Variants in LINGO2 observed in about 807,000 individuals in gnomAD.
LINGO2 encodes leucine rich repeat and Ig domain containing 2.
In LINGO2, 14 loss-of-function variants were observed where a neutral mutation model predicts 30.6. That is an observed-to-expected ratio of 0.46 (90% CI 0.30 to 0.72). The LOEUF (loss-of-function observed/expected upper bound fraction) is 0.72. LINGO2 is among the 30% of genes least tolerant of loss of function. LINGO2 has a pLI of 0.07. For missense variants in LINGO2, 729 were observed against 751.7 expected, an observed-to-expected ratio of 0.97 and a Z score of 0.35; for synonymous variants, 317 against 288.5, an observed-to-expected ratio of 1.10 and a Z score of -1.00.
chr9:28,990,770 C>A, the LINGO2 span, among the ~76,000 whole-genome samples: 1 of 152,082 alleles, frequency 6.6e-6, no homozygotes, highest in African/African-American at 2.4e-5. Flanking sequence ...CCTTAGCAAA[C>A]TCCAACAGAC....
chr9:29,085,475 T>C, the LINGO2 span, among the ~76,000 whole-genome samples: 2 of 151,904 alleles, frequency 1.3e-5, no homozygotes. Context: ...TATGAAATAG[T>C]TATCACCTTC....
At chr9:28,586,068 T>C (rs138447381) in intron 1 of LINGO2, among the ~76,000 whole-genome samples, 83 of 152,084 alleles carry the variant, frequency 5.5e-4, no homozygotes, top group Middle Eastern at 3.4e-3. Flanking sequence ...TGTGTTAAAC[T>C]ACAGCAGTAG....
the LINGO2 span, among the ~76,000 whole-genome samples, chr9:28,786,635 T>G: frequency 1.3e-5 from 2 of 152,148 alleles, no homozygotes; most frequent in Admixed American, 1.3e-4. Context: ...TCCTCCCTTT[T>G]TTATAGTCTC....
intron 4 of LINGO2, among the ~76,000 whole-genome samples, chr9:28,264,193 C>G (rs1277676199): frequency 6.6e-6 from 1 of 151,828 alleles, no homozygotes. Flanking sequence ...TTTTGAACAG[C>G]ACAGCTTTTC....
intron 1 of LINGO2, among the ~76,000 whole-genome samples, chr9:28,638,350 G>A (rs920277101): frequency 1.3e-5 from 2 of 152,132 alleles, no homozygotes; most frequent in African/African-American, 4.8e-5. Flanking sequence ...AGTTAGGGAG[G>A]TTTCCCTATT....
chr9:29,054,916 A>C, the LINGO2 span, among the ~76,000 whole-genome samples: 1 of 152,102 alleles, frequency 6.6e-6, no homozygotes, highest in Non-Finnish European at 1.5e-5. Flanking sequence ...CTAGACTTCG[A>C]TCTTTTAAAA....
At chr9:28,370,517 G>T (rs1820853926) in intron 3 of LINGO2, among the ~76,000 whole-genome samples, 1 of 152,118 alleles carries the variant, frequency 6.6e-6, no homozygotes, top group South Asian at 2.1e-4. Context: ...ATAATGAACT[G>T]CACAACATTT....
chr9:29,125,550 T>C, the LINGO2 span, among the ~76,000 whole-genome samples: 1 of 152,158 alleles, frequency 6.6e-6, no homozygotes, highest in African/African-American at 2.4e-5. Flanking sequence ...TATTTATACA[T>C]TGTATTTGAA....
At chr9:28,757,786 C>T in the LINGO2 span, among the ~76,000 whole-genome samples, 2 of 151,848 alleles carry the variant, frequency 1.3e-5, no homozygotes, top group Non-Finnish European at 2.9e-5. Context: ...ACTCAGCTTC[C>T]GACACAGTTC....
the LINGO2 span, among the ~76,000 whole-genome samples, chr9:29,176,284 C>T: frequency 2.0e-5 from 3 of 152,182 alleles, no homozygotes; most frequent in African/African-American, 7.2e-5. Flanking sequence ...TCCCCTGATC[C>T]TGCTACCAGA....
At chr9:28,421,228 T>C (rs1823182082) in intron 2 of LINGO2, among the ~76,000 whole-genome samples, 1 of 151,348 alleles carries the variant, frequency 6.6e-6, no homozygotes. Context: ...TAAACCTAAT[T>C]AAGATGAATG....
At chr9:29,106,458 C>T in the LINGO2 span, among the ~76,000 whole-genome samples, 1 of 152,062 alleles carries the variant, frequency 6.6e-6, no homozygotes, top group Non-Finnish European at 1.5e-5. Context: ...TAGCATAAGG[C>T]ACATGGGAAC....
the LINGO2 span, among the ~76,000 whole-genome samples, chr9:28,897,512 C>T: frequency 4.6e-5 from 7 of 152,028 alleles, no homozygotes; most frequent in Admixed American, 3.9e-4. Context: ...TCTCTTGTCA[C>T]CTTCTCAGCT....
At chr9:28,565,484 A>G (rs1823325987) in intron 1 of LINGO2, among the ~76,000 whole-genome samples, 1 of 150,006 alleles carries the variant, frequency 6.7e-6, no homozygotes, top group South Asian at 2.1e-4. Context: ...CATGCCTGAT[A>G]AGGAAAAATT....
the LINGO2 span, among the ~76,000 whole-genome samples, chr9:28,874,598 A>T: frequency 1.3e-5 from 2 of 152,054 alleles, no homozygotes; most frequent in African/African-American, 2.4e-5. Context: ...TAAGTACATT[A>T]GGCAAAATCC....
the LINGO2 span, among the ~76,000 whole-genome samples, chr9:28,939,822 C>A: frequency 6.6e-6 from 1 of 152,084 alleles, no homozygotes; most frequent in African/African-American, 2.4e-5. Context: ...TTTCTGAATT[C>A]CCTCTGAGCC....
In LINGO2 at chr9:28,623,334, A is replaced by G. The variant is rs144758817; in HGVS notation, c.-365+46866T>C. Reference sequence around the variant, plus strand: ...ACTTTCATGATTTGAGAACTAAAATATAAGGTTTTAATCCATTTTGATTTG... The same window carrying G: ...ACTTTCATGATTTGAGAACTAAAATGTAAGGTTTTAATCCATTTTGATTTG... On this transcript the variant is annotated intron_variant, in intron 1 of 5. Transcript: ENST00000379992. Among the ~76,000 whole-genome samples, 59 of 152,116 alleles carry G rather than the reference A, an allele frequency of 3.9e-4. No individual in the cohort carries two copies. In the East Asian group the frequency reaches 0.011, roughly 27 times the overall value.
intron 1 of LINGO2, among the ~76,000 whole-genome samples, chr9:28,580,756 T>C (rs1234776970): frequency 6.6e-6 from 1 of 151,920 alleles, no homozygotes; most frequent in African/African-American, 2.4e-5. Flanking sequence ...ACTCTGTAGA[T>C]CAACTTTCAC....
chr9:28,612,326 A>G (rs1214461215), intron 1 of LINGO2, among the ~76,000 whole-genome samples: 1 of 152,106 alleles, frequency 6.6e-6, no homozygotes, highest in Non-Finnish European at 1.5e-5. Flanking sequence ...GCATCCCAAA[A>G]TGCTGGGAAT....
Sources: allele counts gnomAD v4.1 joint callset (sites outside exome capture counted in the v4.1 genomes callset), GRCh38; gene constraint gnomAD v4.1.1; transcripts MANE v1.5; gene names NCBI Gene and HGNC (gene_info 2026-07-23, HGNC 2026-07-21).